SGCD: variants seen among roughly 807,000 people sequenced by gnomAD.
The protein encoded by SGCD is delta-sarcoglycan.
SGCD carries 18 observed loss-of-function variants against 36.6 expected under a neutral mutation model. The ratio of observed to expected loss-of-function variants is 0.49; its 90% CI spans 0.34 to 0.73. The LOEUF (loss-of-function observed/expected upper bound fraction) is 0.73. Among genes scored for constraint, SGCD ranks in the 30% least tolerant of loss-of-function variants. SGCD has a pLI of 0.01. For synonymous variants in SGCD, 133 were observed against 130.6 expected (o/e 1.02, Z -0.12); for missense variants, 387 against 346.7 (o/e 1.12, Z -0.92).
intron 6 of SGCD, among the ~76,000 whole-genome samples, chr5:156,631,657 A>G (rs1057044824): frequency 2.6e-5 from 4 of 151,838 alleles, no homozygotes; most frequent in Non-Finnish European, 5.9e-5. Context: ...GATGCCCTTA[A>G]AAGTGTCTTA....
At chr5:156,052,879 G>A (rs1759957995) in intron 1 of SGCD, among the ~76,000 whole-genome samples, 1 of 146,272 alleles carries the variant, frequency 6.8e-6, no homozygotes, top group Non-Finnish European at 1.5e-5. Flanking sequence ...GGCTCCCTGG[G>A]GTTTTGCCCA....
chr5:156,346,305 T>C (rs1768932231), intron 3 of SGCD, among the ~76,000 whole-genome samples: 1 of 152,206 alleles, frequency 6.6e-6, no homozygotes. Flanking sequence ...TATATATGTA[T>C]TTATTTATGT....
chr5:155,949,738 T>C (rs551706592), intron 1 of SGCD, among the ~76,000 whole-genome samples: 2 of 152,326 alleles, frequency 1.3e-5, no homozygotes, highest in African/African-American at 4.8e-5. Context: ...TATGGCTGAT[T>C]CTGTGTTACA....
At chr5:156,034,005 G>A (rs1214013002) in intron 1 of SGCD, among the ~76,000 whole-genome samples, 2 of 152,164 alleles carry the variant, frequency 1.3e-5, no homozygotes, top group African/African-American at 4.8e-5. Flanking sequence ...AAAATGAACT[G>A]CTGTAATACC....
the SGCD span, among the ~76,000 whole-genome samples, chr5:155,813,569 G>A: frequency 6.6e-6 from 1 of 152,176 alleles, no homozygotes; most frequent in Non-Finnish European, 1.5e-5. Context: ...TTGGAGGACA[G>A]CATTTCTCTT....
At chr5:156,506,227 A>G (rs994153835) in intron 3 of SGCD, among the ~76,000 whole-genome samples, 1 of 152,214 alleles carries the variant, frequency 6.6e-6, no homozygotes, top group African/African-American at 2.4e-5. Flanking sequence ...TATTCAGAAA[A>G]GGGATTTTTG....
intron 3 of SGCD, among the ~76,000 whole-genome samples, chr5:156,463,704 C>A (rs890370030): frequency 5.3e-5 from 8 of 152,072 alleles, no homozygotes; most frequent in African/African-American, 1.9e-4. Context: ...ATAAAAACTG[C>A]CCAGCTAAGG....
chr5:156,076,569 G>A (rs1760790212), intron 1 of SGCD, among the ~76,000 whole-genome samples: 1 of 152,148 alleles, frequency 6.6e-6, no homozygotes, highest in Admixed American at 6.5e-5. Flanking sequence ...GGACTCTCTT[G>A]AAATTGTTAG....
the SGCD span, among the ~76,000 whole-genome samples, chr5:155,765,291 A>G: frequency 6.6e-6 from 1 of 150,966 alleles, no homozygotes; most frequent in Non-Finnish European, 1.5e-5. Flanking sequence ...AGAAAGAAAG[A>G]GAAAGAAAGA....
intron 3 of SGCD, among the ~76,000 whole-genome samples, chr5:156,476,431 A>G (rs1281782791): frequency 1.3e-5 from 2 of 152,178 alleles, no homozygotes; most frequent in South Asian, 2.1e-4. Context: ...GAAATAAAAG[A>G]TTCCATAATC....
intron 3 of SGCD, among the ~76,000 whole-genome samples, chr5:156,386,445 T>A (rs988168292): frequency 6.6e-6 from 1 of 152,270 alleles, no homozygotes; most frequent in African/African-American, 2.4e-5. Flanking sequence ...GTTATAATCA[T>A]CGTCTGCATT....
intron 4 of SGCD, among the ~76,000 whole-genome samples, chr5:156,550,365 A>G (rs545623656): frequency 1.6e-4 from 24 of 152,332 alleles, no homozygotes; most frequent in Non-Finnish European, 3.5e-4. Context: ...GAAAGGGAAG[A>G]GATGCTGCTG....
intron 3 of SGCD, among the ~76,000 whole-genome samples, chr5:156,180,467 G>C (rs1763579360): frequency 1.3e-5 from 2 of 151,924 alleles, no homozygotes; most frequent in Admixed American, 1.3e-4. Context: ...TTTAAACTCT[G>C]TAGACAAATT....
At chr5:155,730,466 T>TGTGTGTGTGTGTGTGTGTGTGC in the SGCD span, among the ~76,000 whole-genome samples, 4 of 150,984 alleles carry the variant, frequency 2.6e-5, no homozygotes, top group Non-Finnish European at 5.9e-5. Flanking sequence ...TGTGTGTGTG[T>TGTGTGTGTGTGTGTGTGTGTGC]GTGTGTGTGG....
At chr5:156,299,906 A>T (rs1399304106) in intron 3 of SGCD, among the ~76,000 whole-genome samples, 1 of 152,086 alleles carries the variant, frequency 6.6e-6, no homozygotes, top group Non-Finnish European at 1.5e-5. Context: ...TTCCTTTCCA[A>T]TTTGGAAGCC....
rs1165659893 is a variant in SGCD at position 156,424,020 on chromosome 5, G to T, written c.192+79343G>T. Among the ~76,000 whole-genome samples, 3 of 151,926 alleles carry T rather than the reference G, an allele frequency of 2.0e-5. No individual in the cohort carries two copies. In the East Asian group the frequency reaches 5.8e-4, roughly 29 times the overall value. On this transcript the variant is annotated intron_variant, in intron 3 of 8. Coordinates refer to ENST00000337851, the MANE Select transcript of SGCD (RefSeq NM_000337.6). ...GAGTTGATCCTACTCCTCTGTTCGT[G>T]GCACATCACTATTATTGATCTGTAC...
At chr5:155,919,106 A>G (rs1412351430) in intron 1 of SGCD, among the ~76,000 whole-genome samples, 3 of 152,248 alleles carry the variant, frequency 2.0e-5, no homozygotes, top group Non-Finnish European at 4.4e-5. Context: ...TGTAGAAAGC[A>G]CTGAATTGAC....
At position 156,180,147 on chromosome 5, in the gene SGCD, A is replaced by G. The variant is rs183454528; in HGVS notation, c.-44+56128A>G. On this transcript the variant is annotated intron_variant, in intron 3 of 9. Transcript: ENST00000517913. ...TTTTCACCTCTATGAATATATTCTGAGCACAAAAGTATTTTCTATTAATTG... is the reference window on the plus strand; with the variant it reads ...TTTTCACCTCTATGAATATATTCTGGGCACAAAAGTATTTTCTATTAATTG... 6.6e-3 allele frequency among the ~76,000 whole-genome samples: 1,000 copies of G among 152,364 alleles called. 1 individual carries two copies. The highest frequency in any genetic ancestry group is 0.01 in the Non-Finnish European group (700 of 68,030).
chr5:156,583,795 C>G (rs1234098728), intron 4 of SGCD, among the ~76,000 whole-genome samples: 1 of 152,130 alleles, frequency 6.6e-6, no homozygotes, highest in Non-Finnish European at 1.5e-5. Flanking sequence ...GAGTCAGACT[C>G]AAATATATTT....
Sources: allele counts gnomAD v4.1 joint callset (sites outside exome capture counted in the v4.1 genomes callset), GRCh38; gene constraint gnomAD v4.1.1; transcripts MANE v1.5; gene names NCBI Gene and HGNC (gene_info 2026-07-23, HGNC 2026-07-21).